Variants in SPIRE2 observed in about 807,000 individuals in gnomAD.
SPIRE2 encodes spire type actin nucleation factor 2.
In SPIRE2, 76 loss-of-function variants were observed where a neutral mutation model predicts 80.7. The observed-to-expected ratio is 0.94, with a 90% CI of 0.78 to 1.14. The LOEUF (loss-of-function observed/expected upper bound fraction) is 1.14, where lower values mean the gene tolerates loss of function less well. SPIRE2 is among the 50% of genes most tolerant of loss of function. The pLI, the probability that SPIRE2 is intolerant of heterozygous loss-of-function variation, is 0.00. For synonymous variants in SPIRE2, 535 were observed against 432.6 expected, an observed-to-expected ratio of 1.24 and a Z score of -2.94; for missense variants, 1,196 against 1,015.3, an observed-to-expected ratio of 1.18 and a Z score of -2.42.
chr16:89,854,756 G>A (rs931674656), intron 5 of SPIRE2, 105 bp downstream of exon 5: 90 of 1,322,420 alleles, frequency 6.8e-5, no homozygotes, highest in Non-Finnish European at 8.8e-5. Flanking sequence ...CCCAGAGAGC[G>A]GCCCAGGGTC....
chr16:89,865,024 T>G (rs1373495808), intron 12 of SPIRE2, among the ~76,000 whole-genome samples: 3 of 149,664 alleles, frequency 2.0e-5, no homozygotes, highest in African/African-American at 2.5e-5. Context: ...TTTTTTTTTT[T>G]GAGAAGGAGT....
At chr16:89,869,193 A>G (rs1424167412) in intron 13 of SPIRE2, among the ~76,000 whole-genome samples, 2 of 150,516 alleles carry the variant, frequency 1.3e-5, no homozygotes, top group African/African-American at 4.9e-5. Flanking sequence ...CTTCCACCTC[A>G]TCCATGTTAA....
intron 1 of SPIRE2, among the ~76,000 whole-genome samples, chr16:89,841,230 T>G (rs2041503176): frequency 6.6e-6 from 1 of 151,426 alleles, no homozygotes; most frequent in South Asian, 2.1e-4. Context: ...TTTTCTTCTC[T>G]CATTGAGGCT....
intron 1 of SPIRE2, chr16:89,836,070 G>A: frequency 2.6e-6 from 1 of 378,006 alleles, no homozygotes; most frequent in Non-Finnish European, 5.4e-6. Flanking sequence ...AGTTGTTTAG[G>A]AGGTTAAGGC....
chr16:89,845,544 C>G (rs1035306311), intron 2 of SPIRE2, 179 bp downstream of exon 2: 8 of 733,786 alleles, frequency 1.1e-5, no homozygotes, highest in Middle Eastern at 2.3e-4. Flanking sequence ...AGAGAGCAGA[C>G]GTGGAGGAGA....
At chr16:89,852,964 C>T (rs1187140393) in intron 3 of SPIRE2, among the ~76,000 whole-genome samples, 1 of 125,612 alleles carries the variant, frequency 8.0e-6, no homozygotes, top group Non-Finnish European at 1.7e-5. Flanking sequence ...CATCCTCCCT[C>T]TCACCCCCCG....
intron 12 of SPIRE2, 141 bp downstream of exon 12, chr16:89,864,002 G>C (rs2041767501): frequency 3.3e-6 from 2 of 609,156 alleles, no homozygotes; most frequent in Non-Finnish European, 2.9e-6. Context: ...GATATGGTTA[G>C]TACGAATGAG....
chr16:89,867,731 C>T (rs1035934447), intron 12 of SPIRE2, among the ~76,000 whole-genome samples: 1 of 152,008 alleles, frequency 6.6e-6, no homozygotes, highest in African/African-American at 2.4e-5. Flanking sequence ...ATTACAGGTG[C>T]CTGCTGCCAC....
intron 1 of SPIRE2, among the ~76,000 whole-genome samples, chr16:89,837,258 G>A (rs2143783207): frequency 6.6e-6 from 1 of 152,258 alleles, no homozygotes; most frequent in Admixed American, 6.5e-5. Context: ...TGCTGCTGCA[G>A]GAGTGAGGCA....
Position 89,850,368 on chromosome 16 carries a change from A to C in SPIRE2, c.353A>C (p.Glu118Ala). 6.3e-7 allele frequency: 1 copy of C among 1,599,808 alleles called. No individual in the cohort carries two copies. Among genetic ancestry groups the C allele is most frequent in the East Asian group, 2.3e-5 (1 of 44,278 alleles). The part of the protein sequence containing the change: ...ALDWGLDESE[E>A]RELSPQLERL... ...GACTGGGGGCTGGACGAGAGCGAGGAGCGCGAACTCAGCCCTCAGCTGGAG... is the reference window on the plus strand; with the variant it reads ...GACTGGGGGCTGGACGAGAGCGAGGCGCGCGAACTCAGCCCTCAGCTGGAG... Residue 118 changes from glutamate (E) to alanine (A), a missense_variant, in exon 3 of 15, where the codon GAG becomes GCG. Physicochemically the swap from Glu to Ala is moderately radical, Grantham distance 107. Coordinates refer to ENST00000378247, the MANE Select transcript of SPIRE2 (RefSeq NM_032451.2).
intron 9 of SPIRE2, 114 bp from the exon 10 acceptor site, chr16:89,860,569 A>G (rs2041733939): frequency 1.4e-6 from 1 of 702,826 alleles, no homozygotes; most frequent in Non-Finnish European, 2.4e-6. Flanking sequence ...TCTCCCCTTG[A>G]CCTTTTGCTT....
chr16:89,865,292 C>G (rs562918718), intron 12 of SPIRE2, among the ~76,000 whole-genome samples: 28 of 152,248 alleles, frequency 1.8e-4, no homozygotes, highest in African/African-American at 3.6e-4. Context: ...AGGCGTAAGC[C>G]ACCGCGCCTG....
chr16:89,863,057 G>A lies in SPIRE2; in HGVS notation c.1576-419G>A, dbSNP rs2041758309. 5.0e-6 allele frequency: 1 copy of A among 199,500 alleles called. No individual in the cohort carries two copies. The highest frequency in any genetic ancestry group is 8.4e-5 in the South Asian group (1 of 11,860). The allele number at this position is 199,500 out of a possible 1,614,324, so 12.4% of individuals were successfully genotyped here. ...GAGGTGTGCTGAGCGCAGATGGGCA[G>A]ATGCAAGCTGAGGTGGCCTGTTGGA... On this transcript the variant is annotated intron_variant, in intron 10 of 14. Transcript: ENST00000378247. This position sits in a 1 kb window ranked among gnomAD's most constrained non-coding sequence, Gnocchi z 4.3.
At chr16:89,868,465 C>G (rs1259403726) in intron 13 of SPIRE2, among the ~76,000 whole-genome samples, 1 of 152,184 alleles carries the variant, frequency 6.6e-6, no homozygotes, top group African/African-American at 2.4e-5. Flanking sequence ...AAAGTCCTAC[C>G]TTCTTACATT....
chr16:89,842,552 A>G (rs1160017196), intron 1 of SPIRE2, among the ~76,000 whole-genome samples: 1 of 152,118 alleles, frequency 6.6e-6, no homozygotes, highest in Non-Finnish European at 1.5e-5. Flanking sequence ...TTGTTAACCT[A>G]TGGAGTATTT....
intron 12 of SPIRE2, among the ~76,000 whole-genome samples, chr16:89,864,694 G>A (rs150431275): frequency 1.3e-5 from 2 of 152,304 alleles, no homozygotes; most frequent in African/African-American, 2.4e-5. Context: ...CACTAACGTG[G>A]AGTAAGTAGC....
chr16:89,846,809 C>CG, intron 2 of SPIRE2: 1 of 101,390 alleles, frequency 9.9e-6, no homozygotes, highest in South Asian at 3.8e-4. Flanking sequence ...TCACGCCCAG[C>CG]CTTTTTTTTT....
chr16:89,860,194 G>T (rs2041730281), intron 9 of SPIRE2, among the ~76,000 whole-genome samples: 1 of 152,146 alleles, frequency 6.6e-6, no homozygotes, highest in Non-Finnish European at 1.5e-5. Context: ...GCCCTTCCGG[G>T]GTCCTGTGGA....
At chr16:89,849,362 T>C (rs943987666) in intron 2 of SPIRE2, among the ~76,000 whole-genome samples, 2 of 152,226 alleles carry the variant, frequency 1.3e-5, no homozygotes, top group Non-Finnish European at 2.9e-5. Context: ...TCTCCATGCC[T>C]CCGTCCCTGT....
Sources: gnomAD v4.1 joint callset for allele counts (sites outside exome capture counted in the v4.1 genomes callset) on GRCh38, gnomAD v4.1.1 for gene constraint, Gnocchi (gnomAD v3.1) non-coding constraint, MANE v1.5 for transcripts, NCBI Gene and HGNC (gene_info 2026-07-23, HGNC 2026-07-21) for gene names.